Variants in SLC22A25 observed in about 807,000 individuals in gnomAD.
SLC22A25 encodes the protein solute carrier family 22 member 25.
SLC22A25 carries 44 observed loss-of-function variants against 45.9 expected under a neutral mutation model. The observed-to-expected ratio is 0.96, with a 90% CI of 0.75 to 1.23. SLC22A25 has a LOEUF of 1.23. Ranked by LOEUF, SLC22A25 falls within the 50% of genes most tolerant of loss-of-function variation. The probability of loss-of-function intolerance (pLI) is 0.00; values close to 1 mark genes in which losing one functional copy is unlikely to be tolerated. For missense variants in SLC22A25, 800 were observed against 666.4 expected, an observed-to-expected ratio of 1.20 and a Z score of -2.21; for synonymous variants, 283 against 238.6, an observed-to-expected ratio of 1.19 and a Z score of -1.72.
At chr11:63,204,209 A>G (rs751677930) in intron 7 of SLC22A25, among the ~76,000 whole-genome samples, 4 of 152,234 alleles carry the variant, frequency 2.6e-5, no homozygotes, top group Non-Finnish European at 4.4e-5. Context: ...GAAACATACC[A>G]AATTGTAAAG....
chr11:63,212,495 TTA>T (rs2089597564), intron 7 of SLC22A25, among the ~76,000 whole-genome samples: 1 of 151,940 alleles, frequency 6.6e-6, no homozygotes, highest in South Asian at 2.1e-4. Flanking sequence ...CCATAAAAAA[TTA>T]TGAGTTCATG....
chr11:63,204,270 C>A (rs1565100158), intron 7 of SLC22A25, among the ~76,000 whole-genome samples: 1 of 152,194 alleles, frequency 6.6e-6, no homozygotes, highest in Non-Finnish European at 1.5e-5. Flanking sequence ...AAATAACCAG[C>A]TAGCATCATA....
chr11:63,209,398 C>T (rs1433100815), intron 7 of SLC22A25, among the ~76,000 whole-genome samples: 1 of 152,086 alleles, frequency 6.6e-6, no homozygotes, highest in African/African-American at 2.4e-5. Context: ...TGTCGGCCCC[C>T]ATATGTGCCA....
intron 9 of SLC22A25, among the ~76,000 whole-genome samples, chr11:63,171,716 G>A: frequency 6.6e-6 from 1 of 152,146 alleles, no homozygotes; most frequent in East Asian, 1.9e-4. Flanking sequence ...TCAATATCAT[G>A]AAAATGGCCA....
intron 7 of SLC22A25, among the ~76,000 whole-genome samples, chr11:63,215,384 A>G (rs529082774): frequency 4.6e-5 from 7 of 152,322 alleles, no homozygotes; most frequent in African/African-American, 1.7e-4. Context: ...TTGAACAATG[A>G]GGACACATGG....
At chr11:63,173,779 T>A (rs901669141) in intron 9 of SLC22A25, among the ~76,000 whole-genome samples, 1 of 152,206 alleles carries the variant, frequency 6.6e-6, no homozygotes, top group African/African-American at 2.4e-5. Context: ...GATCTGGTGA[T>A]CCTTACCCAG....
intron 4 of SLC22A25, among the ~76,000 whole-genome samples, chr11:63,228,991 C>T (rs1431295461): frequency 1.3e-5 from 2 of 152,168 alleles, no homozygotes; most frequent in African/African-American, 4.8e-5. Context: ...TTTTTTAACA[C>T]ATTATTCATA....
intron 7 of SLC22A25, among the ~76,000 whole-genome samples, chr11:63,206,649 T>C (rs2089412026): frequency 6.6e-6 from 1 of 152,104 alleles, no homozygotes; most frequent in Non-Finnish European, 1.5e-5. Flanking sequence ...ATACAAACAA[T>C]GGAAAAATAT....
At chr11:63,233,135 G>T (rs1418090495) in intron 3 of SLC22A25, among the ~76,000 whole-genome samples, 3 of 152,164 alleles carry the variant, frequency 2.0e-5, no homozygotes, top group Non-Finnish European at 4.4e-5. Context: ...GTATCAGGAT[G>T]ATGCTGGCCT....
intron 7 of SLC22A25, among the ~76,000 whole-genome samples, chr11:63,194,746 C>T (rs973965801): frequency 3.3e-5 from 5 of 151,210 alleles, no homozygotes; most frequent in African/African-American, 9.7e-5. Context: ...ACTAAATGCC[C>T]CAGTTAAAAG....
intron 7 of SLC22A25, among the ~76,000 whole-genome samples, chr11:63,190,883 T>C (rs1237469635): frequency 6.6e-6 from 1 of 152,328 alleles, no homozygotes; most frequent in East Asian, 1.9e-4. Context: ...ACCGCAAATG[T>C]TGCTGCCTGA....
intron 7 of SLC22A25, among the ~76,000 whole-genome samples, chr11:63,214,280 T>A (rs572958312): frequency 6.6e-6 from 1 of 152,206 alleles, no homozygotes; most frequent in Non-Finnish European, 1.5e-5. Flanking sequence ...GCGCAGTTGA[T>A]AGCATTAACA....
intron 5 of SLC22A25, among the ~76,000 whole-genome samples, chr11:63,220,202 A>G (rs1360275151): frequency 6.6e-6 from 1 of 152,174 alleles, no homozygotes; most frequent in Non-Finnish European, 1.5e-5. Flanking sequence ...ATTTCTCAGG[A>G]CACCATCAAT....
Position 63,238,883 on chromosome 11 carries a change from G to A in SLC22A25, c.-743C>T. 4.2e-6 allele frequency: 1 copy of A among 238,794 alleles called. No homozygotes were observed. The highest frequency in any genetic ancestry group is 1.1e-4 in the East Asian group (1 of 9,422). 14.8% of individuals were successfully genotyped at this position (238,794 alleles called of 1,614,324 possible). On this transcript the variant is annotated 5_prime_UTR_variant, in exon 2 of 12. Transcript: ENST00000306494. Reference sequence around the variant, plus strand: ...TTCTGTGGCCTCAGGTTTGAGTCCAGTGAGATAGAGATTCTCAGGAGGGCA... The same window carrying A: ...TTCTGTGGCCTCAGGTTTGAGTCCAATGAGATAGAGATTCTCAGGAGGGCA...
At position 63,220,450 on chromosome 11, in the gene SLC22A25, ACT is replaced by A. The variant is rs1461643300; in HGVS notation, c.507-2717_507-2716del. 6.6e-5 allele frequency among the ~76,000 whole-genome samples: 10 copies of A among 151,890 alleles called. No homozygotes were observed. The East Asian group carries it at 1.9e-3, about 29-fold the overall frequency. Reference sequence around the variant, plus strand: ...AAATGTTGTGGCACTTTCTTTCCAAACTCTGTCTTTGGAAAAATTTTAAATTT... The same window carrying A: ...AAATGTTGTGGCACTTTCTTTCCAAACTGTCTTTGGAAAAATTTTAAATTT... On this transcript the variant is annotated intron_variant, in intron 5 of 11. Transcript: ENST00000306494.
At chr11:63,182,298 C>T (rs1225480850) in intron 8 of SLC22A25, among the ~76,000 whole-genome samples, 3 of 151,978 alleles carry the variant, frequency 2.0e-5, no homozygotes, top group Non-Finnish European at 4.4e-5. Flanking sequence ...TTGGATTCTA[C>T]TGTTTTTTGT....
At chr11:63,199,526 A>G (rs1431616702) in intron 7 of SLC22A25, among the ~76,000 whole-genome samples, 1 of 152,022 alleles carries the variant, frequency 6.6e-6, no homozygotes, top group Non-Finnish European at 1.5e-5. Context: ...TGAATAGCTG[A>G]TGCCTACTTC....
intron 7 of SLC22A25, among the ~76,000 whole-genome samples, chr11:63,197,694 C>T (rs2089094875): frequency 1.3e-5 from 2 of 152,156 alleles, no homozygotes; most frequent in Non-Finnish European, 2.9e-5. Flanking sequence ...ACACCAAAAG[C>T]AATGGCAACA....
intron 7 of SLC22A25, among the ~76,000 whole-genome samples, chr11:63,190,200 G>T (rs544633472): frequency 0.018 from 2,675 of 152,204 alleles, 75 homozygotes; most frequent in African/African-American, 0.061. Context: ...TGTAGATTTG[G>T]TCTTTTCAGA....
Sources: gnomAD v4.1 joint callset for allele counts (sites outside exome capture counted in the v4.1 genomes callset) on GRCh38, gnomAD v4.1.1 for gene constraint, MANE v1.5 for transcripts, NCBI Gene and HGNC (gene_info 2026-07-23, HGNC 2026-07-21) for gene names.